HOOK2: variants seen among roughly 807,000 people sequenced by gnomAD.
The protein encoded by HOOK2 is hook microtubule tethering protein 2.
A neutral mutation model predicts 111.9 loss-of-function variants in HOOK2; 108 were observed. The ratio of observed to expected loss-of-function variants is 0.96; its 90% CI spans 0.83 to 1.13. The LOEUF (loss-of-function observed/expected upper bound fraction) is 1.13. Among genes scored for constraint, HOOK2 ranks in the 50% most tolerant of loss-of-function variants. HOOK2 has a pLI of 0.00. For missense variants in HOOK2, 978 were observed against 951.3 expected (o/e 1.03, Z -0.37); for synonymous variants, 405 against 394.3 (o/e 1.03, Z -0.32).
rs765185517 is a variant in HOOK2 at position 12,765,740 on chromosome 19, G to A, written c.1606-16C>T. ...GCAAAATGGACTGGGAGAGAGAAGAGGCAAGGTGAGTGGGGGATCCAGAGA... is the reference window on the plus strand; with the variant it reads ...GCAAAATGGACTGGGAGAGAGAAGAAGCAAGGTGAGTGGGGGATCCAGAGA... On this transcript the variant is annotated splice_polypyrimidine_tract_variant and intron_variant, in intron 17 of 22. Transcript: ENST00000397668. 7 of 1,614,196 alleles carry A rather than the reference G, an allele frequency of 4.3e-6. No homozygotes were observed. Among genetic ancestry groups the A allele is most frequent in the Non-Finnish European group, 5.9e-6 (7 of 1,180,042 alleles).
At chr19:12,781,427 C>T (rs1310756900), upstream of HOOK2, among the ~76,000 whole-genome samples, 1 of 150,678 alleles carries the variant, frequency 6.6e-6, no homozygotes, top group Non-Finnish European at 1.5e-5. Flanking sequence ...CCCGGGTTCA[C>T]GCCATTCTCC....
chr19:12,768,215 CTTA>C (rs1223340849), intron 11 of HOOK2, 92 bp from the exon 12 acceptor site: 2 of 1,058,088 alleles, frequency 1.9e-6, no homozygotes, highest in South Asian at 1.5e-5. Context: ...GATGCTTTGA[CTTA>C]TTATTTTTTT....
At position 12,771,401 on chromosome 19, in the gene HOOK2, C is replaced by T. The variant is rs904454436; in HGVS notation, c.596G>A (p.Arg199Gln). The change falls in exon 8 of 23, where the codon CGG becomes CAG. Residue 199 changes from arginine (R) to glutamine (Q), a missense_variant. Around this residue, in one of 5 missense-constraint regions of HOOK2, gnomAD observed 301 missense variants for 286.1 expected, o/e 1.05. Coordinates refer to ENST00000397668, the MANE Select transcript of HOOK2 (RefSeq NM_013312.3). The stretch of plus-strand genomic sequence containing the variant: ...CTGCCCCACCTAGGGCCCTACCTGC[C>T]GCTCCAGATCCAGACAGCGCTGCTG... The part of the protein sequence containing the change: ...ELQQRCLDLE[R>Q]QLMLLSEEKQ... 1.2e-6 allele frequency: 2 copies of T among 1,613,510 alleles called. No individual in the cohort carries two copies. Among genetic ancestry groups the T allele is most frequent in the Non-Finnish European group, 1.7e-6 (2 of 1,179,774 alleles).
upstream of HOOK2, among the ~76,000 whole-genome samples, chr19:12,778,984 G>T (rs564044250): frequency 6.6e-6 from 1 of 152,306 alleles, no homozygotes; most frequent in African/African-American, 2.4e-5. Context: ...CTTTAATTCA[G>T]CAAGAGGGGC....
chr19:12,778,878 T>A (rs1228149921), upstream of HOOK2, among the ~76,000 whole-genome samples: 1 of 152,000 alleles, frequency 6.6e-6, no homozygotes, highest in East Asian at 1.9e-4. Context: ...AGTCCCACAT[T>A]TGGGGAAAAG....
At chr19:12,783,964 G>C (rs760690505) in intron 3 of HOOK2, among the ~76,000 whole-genome samples, 2 of 151,904 alleles carry the variant, frequency 1.3e-5, no homozygotes, top group Non-Finnish European at 2.9e-5. Flanking sequence ...TGTTGGGCCC[G>C]TCACCTCCCC....
chr19:12,766,286 G>A, intron 14 of HOOK2, 46 bp from the exon 15 acceptor site: 1 of 1,488,438 alleles, frequency 6.7e-7, no homozygotes, highest in Non-Finnish European at 8.9e-7. Flanking sequence ...GAGTCACCTC[G>A]CAGGCTCGCT....
Position 12,792,191 on chromosome 19 carries a change from C to T in HOOK2, n.42-17966G>A, listed in dbSNP as rs17883257. 31 of 1,580,086 alleles carry T rather than the reference C, an allele frequency of 2.0e-5. No individual in the cohort carries two copies. The African/African-American group carries it at 3.1e-4, about 16-fold the overall frequency. The stretch of plus-strand genomic sequence containing the variant: ...AGGAGGGCTTCGCCGACGGCTTTGT[C>T]AAAGCCCTGGACGATCTGCACAAGA... On this transcript the variant is annotated intron_variant and non_coding_transcript_variant, in intron 3 of 3. Coordinates refer to the HOOK2 transcript ENST00000589765.
chr19:12,771,160 T>C lies in HOOK2; in HGVS notation c.760A>G (p.Arg254Gly). 1 of 1,613,468 alleles carries C rather than the reference T, an allele frequency of 6.2e-7. No homozygotes were observed. Among genetic ancestry groups the C allele is most frequent in the Non-Finnish European group, 8.5e-7 (1 of 1,179,728 alleles). The stretch of plus-strand genomic sequence containing the variant: ...GGCCCAGTCCCCAGCTGACCACACC[T>C]GAAGTTCTCCTCCTGCAACTGCTCC... The part of the protein sequence containing the change: ...QLEQLQEENF[R>G]LESGREDERL... The change falls in exon 9 of 23, where the codon AGG (arginine) becomes GGG (glycine). Residue 254 changes from arginine to glycine, a missense_variant and splice_region_variant. Arg to Gly is a moderately radical substitution (Grantham distance 125). Transcript: ENST00000397668.
intron 3 of HOOK2, among the ~76,000 whole-genome samples, chr19:12,789,207 G>C (rs374473461): frequency 2.9e-4 from 39 of 135,018 alleles, no homozygotes; most frequent in Middle Eastern, 3.3e-3. Flanking sequence ...GAGAGAGAGA[G>C]AGAGACAGAG....
chr19:12,776,958 C>T (rs1968533050), upstream of HOOK2, among the ~76,000 whole-genome samples: 1 of 150,582 alleles, frequency 6.6e-6, no homozygotes, highest in Non-Finnish European at 1.5e-5. Context: ...GAGATCGAGA[C>T]CATCCTGGCT....
upstream of HOOK2, among the ~76,000 whole-genome samples, chr19:12,779,845 C>A (rs1481612129): frequency 6.6e-6 from 1 of 152,178 alleles, no homozygotes; most frequent in Non-Finnish European, 1.5e-5. Context: ...CGGTAACATC[C>A]TTGTCCGTAA....
chr19:12,788,905 T>C (rs927655728), intron 3 of HOOK2, among the ~76,000 whole-genome samples: 6 of 151,968 alleles, frequency 3.9e-5, no homozygotes, highest in Non-Finnish European at 5.9e-5. Flanking sequence ...GGAGGGGGCA[T>C]TTAGGGGTCA....
chr19:12,774,471 G>A (rs1968433393), intron 3 of HOOK2, 198 bp downstream of exon 3: 1 of 621,440 alleles, frequency 1.6e-6, no homozygotes, highest in Non-Finnish European at 2.9e-6. Context: ...TGTGGGGCAG[G>A]TTTTTGTCTG....
Position 12,763,197 on chromosome 19 carries a change from C to T in HOOK2, c.*85G>A. The T allele has an allele frequency of 2.7e-6, 4 of 1,489,538 alleles. No individual in the cohort carries two copies. Among genetic ancestry groups the T allele is most frequent in the Non-Finnish European group, 3.7e-6 (4 of 1,095,042 alleles). The allele number at this position is 1,489,538 out of a possible 1,614,324, so 92.3% of individuals were successfully genotyped here. A position where few individuals can be genotyped will look rare whatever the true frequency, so the allele number is the denominator to read the frequency against. ...TCATGGCCTCAAAGCTCTCGAGCAC[C>T]TGGCTGAAGCCCAGTGCTGGGCGCC... On this transcript the variant is annotated 3_prime_UTR_variant, in exon 23 of 23. Transcript: ENST00000397668.
At chr19:12,767,541 A>C in intron 13 of HOOK2, 77 bp from the exon 14 acceptor site, 1 of 1,237,022 alleles carries the variant, frequency 8.1e-7, no homozygotes, top group Non-Finnish European at 1.2e-6. Flanking sequence ...CCCAAGGATC[A>C]TCTTTTGGGG....
At chr19:12,779,022 G>A, upstream of HOOK2, among the ~76,000 whole-genome samples, 1 of 152,170 alleles carries the variant, frequency 6.6e-6, no homozygotes, top group Non-Finnish European at 1.5e-5. Flanking sequence ...TTTGGAAGAA[G>A]GATCCAAACC....
At position 12,791,153 on chromosome 19, in the gene HOOK2, G is replaced by A. The variant is rs1257084821; in HGVS notation, n.42-16928C>T. On this transcript the variant is annotated intron_variant and non_coding_transcript_variant, in intron 3 of 3. Coordinates refer to the HOOK2 transcript ENST00000589765. This position sits in a 1 kb window ranked among gnomAD's most constrained non-coding sequence, Gnocchi z 7.0. ...CTGGGACCCTCACCCCACTTGCTGC[G>A]TACCAGGTCCTGGTATTTGTCCCAG... Among the ~76,000 whole-genome samples, 5 of 152,132 alleles carry A rather than the reference G, an allele frequency of 3.3e-5. No homozygotes were observed. The highest frequency in any genetic ancestry group is 1.2e-4 in the African/African-American group (5 of 41,406).
rs1968191991 is a variant in HOOK2 at position 12,767,571 on chromosome 19, T to G, written c.1304-107A>C. The G allele has an allele frequency of 3.5e-5, 37 of 1,055,356 alleles. No homozygotes were observed. The South Asian group carries it at 5.1e-4, about 14-fold the overall frequency. 65.4% of individuals were successfully genotyped at this position (1,055,356 alleles called of 1,614,324 possible). ...TTGGGGCTTCAAGTTCAGCCAACAG[T>G]CTGGCTTGACACAAGCTCCATCCCC... On this transcript the variant is annotated intron_variant, in intron 13 of 22. Transcript: ENST00000397668.
Sources: allele counts gnomAD v4.1 joint callset (sites outside exome capture counted in the v4.1 genomes callset), GRCh38; gene constraint gnomAD v4.1.1; regional missense constraint gnomAD v4.1.1; non-coding constraint Gnocchi (gnomAD v3.1); transcripts MANE v1.5; gene names NCBI Gene and HGNC (gene_info 2026-07-23, HGNC 2026-07-21).